Variants in FBXL19 observed in about 807,000 individuals in gnomAD.
The protein encoded by FBXL19 is F-box and leucine rich repeat protein 19.
Under a neutral mutation model 71.2 loss-of-function variants are expected in FBXL19, and 16 were observed. The observed-to-expected ratio is 0.22, with a 90% CI of 0.15 to 0.34. The LOEUF is 0.34. Ranked by LOEUF, FBXL19 falls within the 10% of genes least tolerant of loss-of-function variation. The pLI, the probability that FBXL19 is intolerant of heterozygous loss-of-function variation, is 1.00. For synonymous variants in FBXL19, 447 were observed against 409.4 expected, an observed-to-expected ratio of 1.09 and a Z score of -1.11; for missense variants, 658 against 968.2, an observed-to-expected ratio of 0.68 and a Z score of 4.25.
At chr16:30,929,583 G>C (rs2055645235) in intron 6 of FBXL19, among the ~76,000 whole-genome samples, 1 of 151,534 alleles carries the variant, frequency 6.6e-6, no homozygotes, top group South Asian at 2.1e-4. Flanking sequence ...TTTTGAGACA[G>C]AGTCTCGCTC....
In FBXL19 at chr16:30,946,633, C is replaced by G. The variant is rs2055861537; in HGVS notation, c.1628-97C>G. On this transcript the variant is annotated intron_variant, in intron 9 of 10. Coordinates refer to ENST00000338343, the MANE Select transcript of FBXL19 (RefSeq NM_001382779.1). The surrounding 1 kb of genome is among the most constrained non-coding windows in gnomAD (Gnocchi z 6.7). The stretch of plus-strand genomic sequence containing the variant: ...AAGCCACAGAGTGCACCAGGTCACT[C>G]ACTTATGTGGGAAGCAGGTGGAGGG... The G allele has an allele frequency of 8.3e-7, 1 of 1,199,558 alleles. No homozygotes were observed. The highest frequency in any genetic ancestry group is 1.2e-6 in the Non-Finnish European group (1 of 854,960). 74.3% of individuals were successfully genotyped at this position (1,199,558 alleles called of 1,614,324 possible).
rs545568419 is a variant in FBXL19, at chr16:30,929,956, A to G, written c.790-117A>G. On this transcript the variant is annotated intron_variant, in intron 6 of 10. Coordinates refer to ENST00000338343, the MANE Select transcript of FBXL19 (RefSeq NM_001382779.1). Reference sequence around the variant, plus strand: ...GTCTCTCACTGTCCGGAGCAGAGCCAGGGCTGGAACTCAGGACTGTCCCTC... The same window carrying G: ...GTCTCTCACTGTCCGGAGCAGAGCCGGGGCTGGAACTCAGGACTGTCCCTC... 8.8e-5 allele frequency: 121 copies of G among 1,371,018 alleles called. 1 individual carries two copies. The East Asian group carries it at 2.8e-3, about 32-fold the overall frequency. 84.9% of individuals were successfully genotyped at this position (1,371,018 alleles called of 1,614,324 possible).
rs1183676952 is a variant in FBXL19, at chr16:30,923,898, G to C, written c.-586G>C. ...TCGCCTCGCAGCCGTAGGGCAGGGG[G>C]TCGCAGTCCAGGGGCGGGCCCAGGG... On this transcript the variant is annotated 5_prime_UTR_variant, in exon 1 of 11. Transcript: ENST00000338343. Among the ~76,000 whole-genome samples, 1 of 150,996 alleles carries C rather than the reference G, an allele frequency of 6.6e-6. No homozygotes were observed. Among genetic ancestry groups the C allele is most frequent in the Admixed American group, 6.6e-5 (1 of 15,252 alleles).
chr16:30,923,523 G>A (rs917125788), upstream of FBXL19, among the ~76,000 whole-genome samples: 104 of 142,692 alleles, frequency 7.3e-4, 1 homozygote, highest in Non-Finnish European at 3.4e-4. Flanking sequence ...GTAAAGAGGG[G>A]GAGGAGGAGG....
At chr16:30,933,772 G>A (rs2055700816) in intron 7 of FBXL19, among the ~76,000 whole-genome samples, 1 of 143,638 alleles carries the variant, frequency 7.0e-6, no homozygotes, top group Non-Finnish European at 1.5e-5. Context: ...TTTTTTTTGA[G>A]ATGTAGTTTA....
upstream of FBXL19, chr16:30,923,252 C>T (rs571622704): frequency 7.9e-4 from 359 of 453,454 alleles, 1 homozygote; most frequent in Non-Finnish European, 1.2e-3. Context: ...GTCATCGTTC[C>T]CTCTCCTTCT....
At position 30,930,514 on chromosome 16, in the gene FBXL19, C is replaced by G. The variant is rs1373318151; in HGVS notation, c.1231C>G (p.Arg411Gly). Residue 411 changes from arginine to glycine, a missense_variant, in exon 7 of 11, where the codon CGC (arginine) becomes GGC (glycine). This residue lies in a region of FBXL19 where 447 missense variants were observed against 515.4 expected (regional missense o/e 0.87). Transcript: ENST00000338343. This position sits in a 1 kb window ranked among gnomAD's most constrained non-coding sequence, Gnocchi z 8.5. ...CCCCCTGCCCCGGGCCGCCTGGCTT[C>G]GCGTCTTCCAGCACCTCGGGCCGCG... ...DHPLPRAAWL[R>G]VFQHLGPREL... 1.3e-6 allele frequency: 2 copies of G among 1,525,732 alleles called. No individual in the cohort carries two copies. Among genetic ancestry groups the G allele is most frequent in the African/African-American group, 1.4e-5 (1 of 71,778 alleles). 94.5% of individuals were successfully genotyped at this position (1,525,732 alleles called of 1,614,324 possible).
In FBXL19 at chr16:30,927,595, T is replaced by G; in HGVS notation, c.344T>G (p.Ile115Ser). ...CAGATGGGGAAGGCTGAGGGTGTCA[T>G]CAATGCAGAGATCCCCAACTGCTGG... The part of the protein sequence containing the change: ...CLKMGKAEGV[I>S]NAEIPNCWEC... The change falls in exon 4 of 11, where the codon ATC (isoleucine) becomes AGC (serine). Residue 115 changes from isoleucine to serine, a missense_variant. Physicochemically the swap from Ile to Ser is moderately radical, Grantham distance 142. Transcript: ENST00000338343. 6.4e-7 allele frequency: 1 copy of G among 1,560,996 alleles called. No individual in the cohort carries two copies. The highest frequency in any genetic ancestry group is 8.7e-7 in the Non-Finnish European group (1 of 1,152,524).
At chr16:30,941,853 G>T (rs4405566) in intron 7 of FBXL19, among the ~76,000 whole-genome samples, 14 of 152,236 alleles carry the variant, frequency 9.2e-5, no homozygotes, top group Admixed American at 2.6e-4. Flanking sequence ...CAGGCAGAGT[G>T]GGGGGGCTAT....
At position 30,925,799 on chromosome 16, in the gene FBXL19, C is replaced by A; in HGVS notation, c.45C>A (p.Arg15=). Residue 15 remains arginine (R), a synonymous_variant, in exon 2 of 11, where the codon CGC becomes CGA. Coordinates refer to ENST00000338343, the MANE Select transcript of FBXL19 (RefSeq NM_001382779.1). The surrounding 1 kb of genome is among the most constrained non-coding windows in gnomAD (Gnocchi z 5.0). ...GGCCGGGGGCCGGAGCGCGCCGACG[C>A]CGAACCCGCTGCCGCCGCTGCCGGG... The part of the protein sequence containing the change: ...SRGPGAGARR[R]RTRCRRCRAC... The A allele has an allele frequency of 6.7e-7, 1 of 1,495,962 alleles. No individual in the cohort carries two copies. The highest frequency in any genetic ancestry group is 8.9e-7 in the Non-Finnish European group (1 of 1,125,526). The allele number at this position is 1,495,962 out of a possible 1,614,324, so 92.7% of individuals were successfully genotyped here.
chr16:30,940,986 T>C (rs1224391640), intron 7 of FBXL19, among the ~76,000 whole-genome samples: 2 of 152,026 alleles, frequency 1.3e-5, no homozygotes, highest in Non-Finnish European at 2.9e-5. Flanking sequence ...TGTTAGATAG[T>C]CTGTTGAGGC....
In FBXL19 at chr16:30,947,792, G is replaced by C. The variant is rs2055877814; in HGVS notation, c.*562G>C. Reference sequence around the variant, plus strand: ...GAGCTGGAGGTGGGGATGAGAGCAGGTGTGGGGACAGCAATACCCCCTTGG... The same window carrying C: ...GAGCTGGAGGTGGGGATGAGAGCAGCTGTGGGGACAGCAATACCCCCTTGG... On this transcript the variant is annotated 3_prime_UTR_variant, in exon 11 of 11. Transcript: ENST00000338343. The C allele has an allele frequency of 4.6e-6, 2 of 434,220 alleles. No homozygotes were observed. Among genetic ancestry groups the C allele is most frequent in the African/African-American group, 4.1e-5 (2 of 48,858 alleles). 26.9% of individuals were successfully genotyped at this position (434,220 alleles called of 1,614,324 possible). A position where few individuals can be genotyped will look rare whatever the true frequency, so the allele number is the denominator to read the frequency against.
Position 30,924,772 on chromosome 16 carries a change from AGACT to A in FBXL19, c.-25+319_-25+322del, listed in dbSNP as rs1348474636. 7 of 1,486,418 alleles carry A rather than the reference AGACT, an allele frequency of 4.7e-6. No homozygotes were observed. The South Asian group carries it at 7.1e-5, about 15-fold the overall frequency. 92.1% of individuals were successfully genotyped at this position (1,486,418 alleles called of 1,614,324 possible). A position where few individuals can be genotyped will look rare whatever the true frequency, so the allele number is the denominator to read the frequency against. On this transcript the variant is annotated intron_variant, in intron 1 of 10. Transcript: ENST00000338343. ...CCCCGGAAAGGGGGAATCTGGGGTA[AGACT>A]GACTGGGAAGAGACCCTCCAGGCTT...
At chr16:30,923,263 C>G (rs1181132351), upstream of FBXL19, 4 of 449,300 alleles carry the variant, frequency 8.9e-6, no homozygotes, top group Admixed American at 7.1e-5. Flanking sequence ...CTCTCCTTCT[C>G]GATGTTCTGC....
Position 30,930,532 on chromosome 16 carries a change from G to C in FBXL19, c.1249G>C (p.Gly417Arg). The C allele has an allele frequency of 6.6e-7, 1 of 1,505,684 alleles. No individual in the cohort carries two copies. 93.3% of individuals were successfully genotyped at this position (1,505,684 alleles called of 1,614,324 possible). A position where few individuals can be genotyped will look rare whatever the true frequency, so the allele number is the denominator to read the frequency against. Residue 417 changes from glycine (G) to arginine (R), a missense_variant, in exon 7 of 11, where the codon GGG (glycine) becomes CGG (arginine). By Grantham distance (125) the Gly-to-Arg change is moderately radical. This residue lies in a region of FBXL19 where 447 missense variants were observed against 515.4 expected (regional missense o/e 0.87). Coordinates refer to ENST00000338343, the MANE Select transcript of FBXL19 (RefSeq NM_001382779.1). The surrounding 1 kb of genome is among the most constrained non-coding windows in gnomAD (Gnocchi z 8.5). ...AAWLRVFQHL[G>R]PRELCICMRV... ...CTGGCTTCGCGTCTTCCAGCACCTCGGGCCGCGGGAGCTGTGTATCTGCAT... is the reference window on the plus strand; with the variant it reads ...CTGGCTTCGCGTCTTCCAGCACCTCCGGCCGCGGGAGCTGTGTATCTGCAT...
In FBXL19 at chr16:30,946,125, T is replaced by C. The variant is rs1231978945; in HGVS notation, c.1628-605T>C. 6.6e-6 allele frequency among the ~76,000 whole-genome samples: 1 copy of C among 152,166 alleles called. No individual in the cohort carries two copies. The highest frequency in any genetic ancestry group is 1.5e-5 in the Non-Finnish European group (1 of 68,030). On this transcript the variant is annotated intron_variant, in intron 9 of 10. Coordinates refer to ENST00000338343, the MANE Select transcript of FBXL19 (RefSeq NM_001382779.1). This position sits in a 1 kb window ranked among gnomAD's most constrained non-coding sequence, Gnocchi z 6.7. The stretch of plus-strand genomic sequence containing the variant: ...GGGAAGCCTCACGTAGCTTTTACTC[T>C]TGATGGAACGTGAAGGAATCGGCAT...
chr16:30,925,839 G>C lies in FBXL19; in HGVS notation c.85G>C (p.Glu29Gln). 6.6e-7 allele frequency: 1 copy of C among 1,510,790 alleles called. No individual in the cohort carries two copies. The highest frequency in any genetic ancestry group is 8.8e-7 in the Non-Finnish European group (1 of 1,133,160). 93.6% of individuals were successfully genotyped at this position (1,510,790 alleles called of 1,614,324 possible). Reference protein sequence around the residue: ...CRRCRACVRTECGDCHFCRDM... With the variant: ...CRRCRACVRTQCGDCHFCRDM... ...CCGCTGCCGGGCCTGTGTGCGAACTGAGTGCGGGGATTGCCACTTCTGCCG... is the reference window on the plus strand; with the variant it reads ...CCGCTGCCGGGCCTGTGTGCGAACTCAGTGCGGGGATTGCCACTTCTGCCG... Residue 29 changes from glutamate (E) to glutamine (Q), a missense_variant, in exon 2 of 11, where the codon GAG becomes CAG. Glu to Gln is a conservative substitution (Grantham distance 29). Coordinates refer to ENST00000338343, the MANE Select transcript of FBXL19 (RefSeq NM_001382779.1). This position sits in a 1 kb window ranked among gnomAD's most constrained non-coding sequence, Gnocchi z 5.0.
Position 30,924,453 on chromosome 16 carries a change from G to T in FBXL19, c.-31G>T, listed in dbSNP as rs1419169232. On this transcript the variant is annotated 5_prime_UTR_variant, in exon 1 of 11. Coordinates refer to ENST00000338343, the MANE Select transcript of FBXL19 (RefSeq NM_001382779.1). The stretch of plus-strand genomic sequence containing the variant: ...AAGGGAGAGATGGCTCCCGGGACAC[G>T]TGTGAGGTGGGTTCATGCGGCTCCT... 2.8e-6 allele frequency: 1 copy of T among 363,080 alleles called. No homozygotes were observed. Among genetic ancestry groups the T allele is most frequent in the Non-Finnish European group, 4.8e-6 (1 of 208,338 alleles). 22.5% of individuals were successfully genotyped at this position (363,080 alleles called of 1,614,324 possible). A position where few individuals can be genotyped will look rare whatever the true frequency, so the allele number is the denominator to read the frequency against.
upstream of FBXL19, chr16:30,923,335 C>T (rs2055546602): frequency 2.5e-6 from 1 of 407,332 alleles, no homozygotes; most frequent in Non-Finnish European, 5.0e-6. Flanking sequence ...CGGCTGGGCA[C>T]GCCCTCCGCC....
Sources: gnomAD v4.1 joint callset for allele counts (sites outside exome capture counted in the v4.1 genomes callset) on GRCh38, gnomAD v4.1.1 for gene constraint, gnomAD v4.1.1 regional missense constraint, Gnocchi (gnomAD v3.1) non-coding constraint, MANE v1.5 for transcripts, NCBI Gene and HGNC (gene_info 2026-07-23, HGNC 2026-07-21) for gene names.